The following ADAMTS14 variants were observed in gnomAD, a reference collection of about 807,000 sequenced individuals.
ADAMTS14 encodes ADAM metallopeptidase with thrombospondin type 1 motif 14.
A neutral mutation model predicts 128.6 loss-of-function variants in ADAMTS14; 100 were observed. The observed-to-expected ratio is 0.78, with a 90% CI of 0.66 to 0.92. The LOEUF (loss-of-function observed/expected upper bound fraction) is 0.92. ADAMTS14 is among the 40% of genes least tolerant of loss of function. ADAMTS14 has a pLI of 0.00. For synonymous variants in ADAMTS14, 665 were observed against 653.8 expected (o/e 1.02, Z -0.26); for missense variants, 1,562 against 1,658.6 (o/e 0.94, Z 1.01).
rs144216765 is a variant in ADAMTS14 at position 70,733,903 on chromosome 10, C to T, written c.1227C>T (p.Asp409=). The change falls in exon 8 of 22, where the codon GAC becomes GAT. Residue 409 remains aspartate, a synonymous_variant. Transcript: ENST00000373207. ...ATTCCAGGCTCGGCATGGAGCATGA[C>T]GGTCAGGGGAATGGCTGTGCAGATG... ...ETGHVLGMEH[D]GQGNGCADET... 704 of 1,613,520 alleles carry T rather than the reference C, an allele frequency of 4.4e-4. No homozygotes were observed. Among genetic ancestry groups the T allele is most frequent in the South Asian group, 1.3e-3 (122 of 91,018 alleles).
chr10:70,745,334 A>C, intron 15 of ADAMTS14, 28 bp downstream of exon 15: 1 of 1,610,724 alleles, frequency 6.2e-7, no homozygotes, highest in Non-Finnish European at 8.5e-7. Context: ...GGGAGGGGAC[A>C]GCAGGGCCCC....
intron 10 of ADAMTS14, among the ~76,000 whole-genome samples, chr10:70,738,151 C>T (rs1452495773): frequency 1.3e-5 from 2 of 151,988 alleles, no homozygotes; most frequent in Non-Finnish European, 2.9e-5. Context: ...ATGAACTTTG[C>T]CCAGAGAGCT....
intron 4 of ADAMTS14, among the ~76,000 whole-genome samples, chr10:70,709,790 G>A (rs569728739): frequency 6.6e-6 from 1 of 152,304 alleles, no homozygotes; most frequent in South Asian, 2.1e-4. Context: ...GTGAGCCACC[G>A]CGCCCAGCCT....
chr10:70,752,193 C>T lies in ADAMTS14; in HGVS notation c.2695C>T (p.Arg899Trp), dbSNP rs199771530. ...CAAGAAGAGGCCCAAGCCCATCCGC[C>T]GGCGCTGCAACCAGCACCCGTGCTC... ...DHKKRPKPIR[R>W]RCNQHPCSQP... The change falls in exon 18 of 22, where the codon CGG becomes TGG. Residue 899 changes from arginine (R) to tryptophan (W), a missense_variant. By Grantham distance (101) the Arg-to-Trp change is moderately radical. Transcript: ENST00000373207. 1.9e-5 allele frequency: 30 copies of T among 1,613,676 alleles called. No homozygotes were observed. Among genetic ancestry groups the T allele is most frequent in the Middle Eastern group, 1.6e-4 (1 of 6,080 alleles).
intron 10 of ADAMTS14, 21 bp from the exon 11 acceptor site, chr10:70,738,821 A>G (rs1425835051): frequency 4.3e-6 from 7 of 1,613,624 alleles, no homozygotes; most frequent in South Asian, 3.3e-5. Flanking sequence ...GGGTGACCTC[A>G]TGCCCTCTGC....
intron 21 of ADAMTS14, 33 bp downstream of exon 21, chr10:70,758,318 C>A: frequency 6.3e-7 from 1 of 1,583,570 alleles, no homozygotes; most frequent in Non-Finnish European, 8.6e-7. Context: ...ACCCTGCTCC[C>A]CAGACCTTTC....
In ADAMTS14 at chr10:70,733,975, C is replaced by G; in HGVS notation, c.1299C>G (p.Phe433Leu). The change falls in exon 8 of 22, where the codon TTC (phenylalanine) becomes TTG (leucine). Residue 433 changes from phenylalanine (F) to leucine (L), a missense_variant. Transcript: ENST00000373207. ...TGGCGCCCCTGGTGCAGGCTGCCTT[C>G]CACCGCTTCCATTGGTCCCGCTGCA... ...SVMAPLVQAA[F>L]HRFHWSRCSK... The G allele has an allele frequency of 6.2e-7, 1 of 1,613,858 alleles. No homozygotes were observed. The highest frequency in any genetic ancestry group is 1.1e-5 in the South Asian group (1 of 91,082).
At chr10:70,735,378 T>C in intron 9 of ADAMTS14, 77 bp downstream of exon 9, 1 of 1,550,022 alleles carries the variant, frequency 6.5e-7, no homozygotes, top group Non-Finnish European at 8.7e-7. Flanking sequence ...TGACCATTCA[T>C]GAGGTGCCTT....
intron 15 of ADAMTS14, among the ~76,000 whole-genome samples, chr10:70,746,521 A>T (rs1842182959): frequency 6.6e-6 from 1 of 152,200 alleles, no homozygotes; most frequent in Non-Finnish European, 1.5e-5. Flanking sequence ...TCTACTTAAA[A>T]ATCAGGGCAG....
At chr10:70,712,290 C>T (rs546370655) in intron 4 of ADAMTS14, among the ~76,000 whole-genome samples, 133 of 152,234 alleles carry the variant, frequency 8.7e-4, no homozygotes, top group Middle Eastern at 6.8e-3. Flanking sequence ...TCAGGATGCC[C>T]AAGAGTGGTA....
chr10:70,742,469 G>A (rs111550133), intron 12 of ADAMTS14, among the ~76,000 whole-genome samples: 1 of 152,370 alleles, frequency 6.6e-6, no homozygotes, highest in Non-Finnish European at 1.5e-5. Flanking sequence ...GAAATCCAAG[G>A]TGGTCTTGGA....
chr10:70,680,258 G>A (rs1283381180), intron 2 of ADAMTS14, among the ~76,000 whole-genome samples: 5 of 151,996 alleles, frequency 3.3e-5, no homozygotes, highest in African/African-American at 7.3e-5. Flanking sequence ...AAAATTAGCC[G>A]GTCATGGTGG....
chr10:70,729,177 C>G, intron 4 of ADAMTS14, 117 bp from the exon 5 acceptor site: 1 of 861,404 alleles, frequency 1.2e-6, no homozygotes, highest in Non-Finnish European at 1.9e-6. Context: ...GGATAAGTAT[C>G]TTGCCTGATA....
At chr10:70,708,804 TGGG>T in intron 4 of ADAMTS14, 26 bp downstream of exon 4, 1 of 453,806 alleles carries the variant, frequency 2.2e-6, no homozygotes. Flanking sequence ...TCCTAGGACT[TGGG>T]GGGAGTGGGG....
At chr10:70,697,418 C>A (rs1838293311) in intron 2 of ADAMTS14, among the ~76,000 whole-genome samples, 1 of 152,244 alleles carries the variant, frequency 6.6e-6, no homozygotes, top group Non-Finnish European at 1.5e-5. Context: ...GTCTCTGTAC[C>A]TGCCCATGTC....
intron 4 of ADAMTS14, among the ~76,000 whole-genome samples, chr10:70,721,239 G>C (rs1306079729): frequency 6.6e-6 from 1 of 151,632 alleles, no homozygotes; most frequent in South Asian, 2.1e-4. Context: ...TGGTAAGGCT[G>C]GTCTCCAACT....
At chr10:70,733,076 C>T (rs1841701390) in intron 7 of ADAMTS14, among the ~76,000 whole-genome samples, 1 of 152,144 alleles carries the variant, frequency 6.6e-6, no homozygotes, top group Admixed American at 6.5e-5. Flanking sequence ...ACACCATCAG[C>T]CCTGTTAGAT....
At position 70,751,512 on chromosome 10, in the gene ADAMTS14, G is replaced by T; in HGVS notation, c.2462G>T (p.Ser821Ile). The change falls in exon 17 of 22, where the codon AGC (serine) becomes ATC (isoleucine). Residue 821 changes from serine (S) to isoleucine (I), a missense_variant. Transcript: ENST00000373207. ...LPPTEGGPRSSLAYKYVIHED... is the reference protein window; with the variant it reads ...LPPTEGGPRSILAYKYVIHED... ...CCAACTGAGGGTGGCCCCCGCAGCAGCCTGGCCTACAAGTACGTCATCCAT... is the reference window on the plus strand; with the variant it reads ...CCAACTGAGGGTGGCCCCCGCAGCATCCTGGCCTACAAGTACGTCATCCAT... The T allele has an allele frequency of 6.2e-7, 1 of 1,611,724 alleles. No individual in the cohort carries two copies.
At chr10:70,706,399 G>A (rs58957937) in intron 3 of ADAMTS14, among the ~76,000 whole-genome samples, 7,880 of 152,272 alleles carry the variant, frequency 0.052, 228 homozygotes, top group East Asian at 0.082. Context: ...CATTCCACTC[G>A]CAGGGCTTAC....
Sources: gnomAD v4.1 joint callset for allele counts (sites outside exome capture counted in the v4.1 genomes callset) on GRCh38, gnomAD v4.1.1 for gene constraint, MANE v1.5 for transcripts, NCBI Gene and HGNC (gene_info 2026-07-23, HGNC 2026-07-21) for gene names.